Variants in MAP2K2 observed in about 807,000 individuals in gnomAD.
MAP2K2 encodes mitogen-activated protein kinase kinase 2.
In MAP2K2, 24 loss-of-function variants were observed where a neutral mutation model predicts 43.7. The ratio of observed to expected loss-of-function variants is 0.55; its 90% CI spans 0.40 to 0.77. The LOEUF is 0.77. Ranked by LOEUF, MAP2K2 falls within the 30% of genes least tolerant of loss-of-function variation. The pLI is 0.00. For synonymous variants in MAP2K2, 244 were observed against 239.7 expected (o/e 1.02, Z -0.17); for missense variants, 470 against 566.8 (o/e 0.83, Z 1.73).
At chr19:4,094,960 G>C (rs1231481794) in intron 9 of MAP2K2, 15 of 351,534 alleles carry the variant, frequency 4.3e-5, no homozygotes, top group Non-Finnish European at 5.9e-5. Context: ...CGTGGTCTGC[G>C]GCACATGCCT....
intron 3 of MAP2K2, among the ~76,000 whole-genome samples, chr19:4,105,759 C>T (rs2041078245): frequency 6.6e-6 from 1 of 152,032 alleles, no homozygotes; most frequent in Admixed American, 6.6e-5. Flanking sequence ...CTGCAGCCTC[C>T]ACCTCCTTGG....
At chr19:4,091,001 G>C (rs1431998844) in intron 10 of MAP2K2, among the ~76,000 whole-genome samples, 1 of 152,214 alleles carries the variant, frequency 6.6e-6, no homozygotes, top group Non-Finnish European at 1.5e-5. Flanking sequence ...GCTCGCGCAA[G>C]CCCAGGGTCC....
At chr19:4,123,554 C>CCCCCTGCCCCGTCCTCCGAGGGT (rs2041328267) in intron 1 of MAP2K2, among the ~76,000 whole-genome samples, 3 of 56,848 alleles carry the variant, frequency 5.3e-5, no homozygotes, top group African/African-American at 1.5e-4. Context: ...CCTCCGAGGG[C>CCCCCTGCCCCGTCCTCCGAGGGT]CCCCTGCCCC....
At chr19:4,097,443 TCCACATG>T (rs1269466699) in intron 7 of MAP2K2, 100 bp from the exon 8 acceptor site, 80 of 847,296 alleles carry the variant, frequency 9.4e-5, no homozygotes, top group Non-Finnish European at 1.5e-4. Context: ...GGCGCCCTCC[TCCACATG>T]CCAGCCTAAA....
chr19:4,094,820 A>G, intron 9 of MAP2K2: 1 of 454,096 alleles, frequency 2.2e-6, no homozygotes, highest in Non-Finnish European at 4.1e-6. Flanking sequence ...GCCCGGGGCA[A>G]CATCGCCGGA....
intron 10 of MAP2K2, among the ~76,000 whole-genome samples, chr19:4,090,955 C>A (rs954721536): frequency 6.6e-6 from 1 of 152,226 alleles, no homozygotes; most frequent in Non-Finnish European, 1.5e-5. Context: ...GGGACACCAC[C>A]AGCACGGCAG....
rs112301764 is a variant in MAP2K2 at position 4,115,324 on chromosome 19, C to T, written c.303+2095G>A. ...GCTACAGTAAAGCTGCAGGTGGGCC[C>T]GGCTTCACCTGCGCCTGTCAGCAGG... is the stretch of plus-strand genomic sequence containing the variant. On this transcript the variant is annotated intron_variant, in intron 2 of 10. Transcript: ENST00000262948. This position sits in a 1 kb window ranked among gnomAD's most constrained non-coding sequence, Gnocchi z 4.1. Among the ~76,000 whole-genome samples the T allele has an allele frequency of 0.042, 6,358 of 152,188 alleles. 445 individuals carry two copies. The highest frequency in any genetic ancestry group is 0.15 in the African/African-American group (6,019 of 41,472).
In MAP2K2 at chr19:4,123,792, G is replaced by T. The variant is rs773465858; in HGVS notation, c.84C>A (p.Gly28=). 7 of 1,557,990 alleles carry T rather than the reference G, an allele frequency of 4.5e-6. No individual in the cohort carries two copies. The highest frequency in any genetic ancestry group is 6.1e-6 in the Non-Finnish European group (7 of 1,156,710). The change falls in exon 1 of 11, where the codon GGC becomes GGA. Residue 28 remains glycine, a synonymous_variant. Transcript: ENST00000262948. ...IAEGPSPTSE[G]ASEANLVDLQ... ...GACCCCTGCCCACTCACTCGGAGGC[G>T]CCCTCGCTGGTAGGGGATGGGCCCT... is the stretch of plus-strand genomic sequence containing the variant.
intron 3 of MAP2K2, 59 bp downstream of exon 3, chr19:4,110,447 TCTC>T (rs1406107912): frequency 1.8e-5 from 29 of 1,599,258 alleles, no homozygotes; most frequent in Non-Finnish European, 2.4e-5. Context: ...GGGTCTTCCT[TCTC>T]CCCAACATGC....
At chr19:4,109,063 C>G (rs1423695055) in intron 3 of MAP2K2, among the ~76,000 whole-genome samples, 3 of 152,196 alleles carry the variant, frequency 2.0e-5, no homozygotes, top group African/African-American at 4.8e-5. Flanking sequence ...CTCAAATTCA[C>G]TTCCTGCCTT....
At position 4,123,774 on chromosome 19, in the gene MAP2K2, G is replaced by A; in HGVS notation, c.92+10C>T. 3 of 1,540,760 alleles carry A rather than the reference G, an allele frequency of 1.9e-6. No homozygotes were observed. The East Asian group carries it at 7.5e-5, about 39-fold the overall frequency. ...CACCCCAAGCCTCCGGCTGACCCCT[G>A]CCCACTCACTCGGAGGCGCCCTCGC... On this transcript the variant is annotated intron_variant, in intron 1 of 10. Coordinates refer to ENST00000262948, the MANE Select transcript of MAP2K2 (RefSeq NM_030662.4).
chr19:4,106,400 G>A (rs977574572), intron 3 of MAP2K2, among the ~76,000 whole-genome samples: 2 of 152,080 alleles, frequency 1.3e-5, no homozygotes, highest in African/African-American at 4.8e-5. Flanking sequence ...ATGGGCCAAT[G>A]CTATGTTTAT....
intron 3 of MAP2K2, among the ~76,000 whole-genome samples, chr19:4,108,404 CTAAT>C (rs1355375027): frequency 2.0e-5 from 3 of 150,082 alleles, no homozygotes; most frequent in Non-Finnish European, 4.4e-5. Flanking sequence ...CCATGCCTGG[CTAAT>C]TTTTTTTGTA....
chr19:4,112,360 CG>C (rs999220558), intron 2 of MAP2K2, among the ~76,000 whole-genome samples: 6 of 152,152 alleles, frequency 3.9e-5, no homozygotes, highest in Non-Finnish European at 5.9e-5. Context: ...ACACTGGGGC[CG>C]GGCCTTGAGG....
In MAP2K2 at chr19:4,095,191, C is replaced by T. The variant is rs138628176; in HGVS notation, c.1046+197G>A. 315 of 580,032 alleles carry T rather than the reference C, an allele frequency of 5.4e-4. 2 individuals are homozygous for T. The East Asian group carries it at 8.9e-3, about 16-fold the overall frequency. The allele number at this position is 580,032 out of a possible 1,614,324, so 35.9% of individuals were successfully genotyped here. ...CCTGCTTCACCCCTGGGCTCACGGACAGGATGGCATGGCAGCCGGGAGCTG... is the reference window on the plus strand; with the variant it reads ...CCTGCTTCACCCCTGGGCTCACGGATAGGATGGCATGGCAGCCGGGAGCTG... On this transcript the variant is annotated intron_variant, in intron 9 of 10. Transcript: ENST00000262948.
chr19:4,113,229 T>G (rs1599303100), intron 2 of MAP2K2, among the ~76,000 whole-genome samples: 1 of 151,974 alleles, frequency 6.6e-6, no homozygotes, highest in Non-Finnish European at 1.5e-5. Context: ...AATGAGGCCG[T>G]CGGAAGCGAG....
At position 4,115,548 on chromosome 19, in the gene MAP2K2, T is replaced by C. The variant is rs927126711; in HGVS notation, c.303+1871A>G. ...GCTTCGGGCGGAGGCGGACCTGAGC[T>C]TTCCAAGGCTGCTCCGGTTTGGAAG... On this transcript the variant is annotated intron_variant, in intron 2 of 10. Transcript: ENST00000262948. The surrounding 1 kb of genome is among the most constrained non-coding windows in gnomAD (Gnocchi z 4.1). Among the ~76,000 whole-genome samples, 2 of 152,142 alleles carry C rather than the reference T, an allele frequency of 1.3e-5. No homozygotes were observed. The highest frequency in any genetic ancestry group is 2.9e-5 in the Non-Finnish European group (2 of 68,030).
intron 8 of MAP2K2, among the ~76,000 whole-genome samples, chr19:4,096,133 C>T (rs1325519359): frequency 1.3e-5 from 2 of 152,212 alleles, no homozygotes; most frequent in African/African-American, 2.4e-5. Context: ...CACACGTCCC[C>T]GGAGCGGGAG....
Position 4,101,060 on chromosome 19 carries a change from A to G in MAP2K2, c.664T>C (p.Ser222Pro), listed in dbSNP as rs2145054000. The G allele has an allele frequency of 6.3e-7, 1 of 1,584,308 alleles. No individual in the cohort carries two copies. ...DFGVSGQLID[S>P]MANSFVGTRS... ...GTGCCCACGAAGGAGTTGGCCATGG[A>G]GTCGATGAGCTGGCCGCTCACCCCG... is the stretch of plus-strand genomic sequence containing the variant. Residue 222 changes from serine to proline, a missense_variant, in exon 6 of 11, where the codon TCC becomes CCC. Coordinates refer to ENST00000262948, the MANE Select transcript of MAP2K2 (RefSeq NM_030662.4). The surrounding 1 kb of genome is among the most constrained non-coding windows in gnomAD (Gnocchi z 6.3).
Sources: gnomAD v4.1 joint callset for allele counts (sites outside exome capture counted in the v4.1 genomes callset) on GRCh38, gnomAD v4.1.1 for gene constraint, Gnocchi (gnomAD v3.1) non-coding constraint, MANE v1.5 for transcripts, NCBI Gene and HGNC (gene_info 2026-07-23, HGNC 2026-07-21) for gene names.